Variants in DNAAF1 observed in about 807,000 individuals in gnomAD.
DNAAF1 encodes dynein assembly factor 1, axonemal.
DNAAF1 carries 65 observed loss-of-function variants against 71.1 expected under a neutral mutation model. That is an observed-to-expected ratio of 0.91 (90% CI 0.75 to 1.12). The LOEUF (loss-of-function observed/expected upper bound fraction) is 1.12. Ranked by LOEUF, DNAAF1 falls within the 50% of genes most tolerant of loss-of-function variation. The pLI is 0.00. For synonymous variants in DNAAF1, 414 were observed against 354.6 expected, an observed-to-expected ratio of 1.17 and a Z score of -1.88; for missense variants, 1,178 against 899.8, an observed-to-expected ratio of 1.31 and a Z score of -3.96.
intron 10 of DNAAF1, chr16:84,175,504 G>A: frequency 4.2e-6 from 1 of 239,618 alleles, no homozygotes; most frequent in Non-Finnish European, 8.3e-6. Context: ...TACCCTGAGG[G>A]AGAAGGAGGC....
intron 9 of DNAAF1, chr16:84,173,454 A>C: frequency 2.0e-6 from 2 of 976,122 alleles, no homozygotes; most frequent in Non-Finnish European, 2.4e-6. Context: ...ACAGAGCGAG[A>C]CTCCATCTCA....
At chr16:84,176,496 C>A (rs2088670230) in intron 11 of DNAAF1, 197 bp downstream of exon 11, 6 of 848,954 alleles carry the variant, frequency 7.1e-6, no homozygotes, top group Non-Finnish European at 1.1e-5. Flanking sequence ...TGGTAGCCAG[C>A]CTGGGCCAGG....
At chr16:84,161,033 G>A (rs1448474842) in intron 6 of DNAAF1, among the ~76,000 whole-genome samples, 1 of 152,112 alleles carries the variant, frequency 6.6e-6, no homozygotes, top group East Asian at 1.9e-4. Context: ...GGGTGGTAAG[G>A]ACGGGGAGAG....
At chr16:84,169,014 G>A (rs1009887336) in intron 7 of DNAAF1, among the ~76,000 whole-genome samples, 7 of 150,360 alleles carry the variant, frequency 4.7e-5, no homozygotes, top group South Asian at 2.1e-4. Context: ...AGTGCCTTCC[G>A]TAGGCATTTG....
At chr16:84,174,187 T>C (rs563379918) in intron 9 of DNAAF1, 23 of 1,008,564 alleles carry the variant, frequency 2.3e-5, no homozygotes, top group Non-Finnish European at 2.7e-5. Flanking sequence ...CCACACACTA[T>C]GCTGCCTCCC....
chr16:84,146,602 A>G (rs1257681383), intron 1 of DNAAF1, among the ~76,000 whole-genome samples: 1 of 152,040 alleles, frequency 6.6e-6, no homozygotes, highest in African/African-American at 2.4e-5. Flanking sequence ...CTGTAATTCC[A>G]CTTACTTGGG....
At chr16:84,156,847 C>CTTTTTTT (rs2087454463) in intron 5 of DNAAF1, among the ~76,000 whole-genome samples, 2 of 130,486 alleles carry the variant, frequency 1.5e-5, no homozygotes, top group African/African-American at 3.0e-5. Flanking sequence ...TTCTTTCTTT[C>CTTTTTTT]TTTCTTTTTT....
intron 11 of DNAAF1, 96 bp from the exon 12 acceptor site, chr16:84,177,633 A>G (rs1377400950): frequency 2.0e-6 from 2 of 1,009,936 alleles, no homozygotes; most frequent in South Asian, 2.5e-5. Context: ...CCAGTTGAGG[A>G]CACTGAATTT....
chr16:84,148,594 C>CTTTTT (rs2087025255), intron 1 of DNAAF1, among the ~76,000 whole-genome samples: 1 of 30,048 alleles, frequency 3.3e-5, no homozygotes, highest in African/African-American at 1.1e-4. Context: ...CTCTCTCTCT[C>CTTTTT]TCTTTTTTTT....
At chr16:84,161,512 G>A (rs747764202) in intron 6 of DNAAF1, among the ~76,000 whole-genome samples, 1 of 152,116 alleles carries the variant, frequency 6.6e-6, no homozygotes, top group Non-Finnish European at 1.5e-5. Flanking sequence ...TTACAGGCGT[G>A]CACCACCAAA....
At chr16:84,173,083 T>C (rs760176485) in intron 9 of DNAAF1, 39 of 986,568 alleles carry the variant, frequency 4.0e-5, no homozygotes, top group Non-Finnish European at 4.5e-5. Context: ...CTTGGAGAGG[T>C]GGTCCCCTGC....
At chr16:84,169,384 C>T (rs1039269332) in intron 7 of DNAAF1, among the ~76,000 whole-genome samples, 15 of 151,764 alleles carry the variant, frequency 9.9e-5, no homozygotes, top group East Asian at 7.8e-4. Flanking sequence ...CCATGCCCAG[C>T]GCCTCGAGGA....
rs2087467066 is a variant in DNAAF1, at chr16:84,156,950, T to C, written c.741+1201T>C. On this transcript the variant is annotated intron_variant, in intron 5 of 11. Transcript: ENST00000378553. Reference sequence around the variant, plus strand: ...TCACTGCAGCCTCAACCTCCTGGGCTCAAGCGATCCTCCCACCTTAGCCTC... The same window carrying C: ...TCACTGCAGCCTCAACCTCCTGGGCCCAAGCGATCCTCCCACCTTAGCCTC... Among the ~76,000 whole-genome samples the C allele has an allele frequency of 2.0e-5, 3 of 147,788 alleles. No homozygotes were observed. In the South Asian group the frequency reaches 6.7e-4, roughly 33 times the overall value.
At position 84,159,067 on chromosome 16, in the gene DNAAF1, A is replaced by C. The variant is rs112820215; in HGVS notation, c.742-608A>C. The C allele has an allele frequency of 6.9e-3, 6,788 of 989,464 alleles. 333 individuals carry two copies. In the African/African-American group the frequency reaches 0.11, roughly 16 times the overall value. The allele number at this position is 989,464 out of a possible 1,614,324, so 61.3% of individuals were successfully genotyped here. ...TAAACTTCTTTGAGTTTCTTAAGGC[A>C]GTAGAGGAAGAGACAGTATTTAAAG... On this transcript the variant is annotated intron_variant, in intron 5 of 11. Coordinates refer to ENST00000378553, the MANE Select transcript of DNAAF1 (RefSeq NM_178452.6).
intron 6 of DNAAF1, among the ~76,000 whole-genome samples, chr16:84,161,335 C>A (rs2087707527): frequency 6.6e-6 from 1 of 152,166 alleles, no homozygotes; most frequent in Non-Finnish European, 1.5e-5. Context: ...ATAGGAGCCA[C>A]CGCCCTTTAG....
intron 1 of DNAAF1, among the ~76,000 whole-genome samples, chr16:84,146,469 C>T (rs1369659962): frequency 6.6e-6 from 1 of 152,132 alleles, no homozygotes; most frequent in Non-Finnish European, 1.5e-5. Flanking sequence ...GTAATCCCAG[C>T]AATTTGGGAG....
chr16:84,151,183 T>A (rs759063227), intron 3 of DNAAF1, among the ~76,000 whole-genome samples: 1 of 152,114 alleles, frequency 6.6e-6, no homozygotes, highest in Admixed American at 6.6e-5. Context: ...GTCCTCTCAT[T>A]GTTCATTTGT....
chr16:84,151,917 A>C (rs1486937284), intron 3 of DNAAF1, among the ~76,000 whole-genome samples: 2 of 152,220 alleles, frequency 1.3e-5, no homozygotes, highest in African/African-American at 2.4e-5. Flanking sequence ...GGCCAAGACA[A>C]AAGTGGAGGT....
At chr16:84,148,821 C>A (rs143721402) in intron 1 of DNAAF1, among the ~76,000 whole-genome samples, 186 bp from the exon 2 acceptor site, 1 of 151,456 alleles carries the variant, frequency 6.6e-6, no homozygotes, top group African/African-American at 2.4e-5. Context: ...AACACCTGGG[C>A]TCGAGCAATC....
Sources: gnomAD v4.1 joint callset for allele counts (sites outside exome capture counted in the v4.1 genomes callset) on GRCh38, gnomAD v4.1.1 for gene constraint, MANE v1.5 for transcripts, NCBI Gene and HGNC (gene_info 2026-07-23, HGNC 2026-07-21) for gene names.